Variants in TRPM7 observed in about 807,000 individuals in gnomAD.
TRPM7 encodes the protein transient receptor potential cation channel subfamily M member 7.
In TRPM7, 134 loss-of-function variants were observed where a neutral mutation model predicts 229.7. The observed-to-expected ratio is 0.58, with a 90% CI of 0.51 to 0.67. The LOEUF (loss-of-function observed/expected upper bound fraction) is 0.67. Among genes scored for constraint, TRPM7 ranks in the 30% least tolerant of loss-of-function variants. The probability of loss-of-function intolerance (pLI) is 0.00; values close to 1 mark genes in which losing one functional copy is unlikely to be tolerated. For missense variants in TRPM7, 1,901 were observed against 2,210.0 expected (o/e 0.86, Z 2.80); for synonymous variants, 699 against 715.2 (o/e 0.98, Z 0.36).
At position 50,592,370 on chromosome 15, in the gene TRPM7, A is replaced by C. The variant is rs745309948; in HGVS notation, c.3865T>G (p.Trp1289Gly). ...IDDGPVRPSV[W>G]KKHGVVNTLS... ...GTATTTACAACACCATGCTTTTTCCATACAGAAGGTCTTACAGGACCATCA... is the reference window on the plus strand; with the variant it reads ...GTATTTACAACACCATGCTTTTTCCCTACAGAAGGTCTTACAGGACCATCA... Residue 1289 changes from tryptophan (W) to glycine (G), a missense_variant, in exon 26 of 39, where the codon TGG becomes GGG. Physicochemically the swap from Trp to Gly is radical, Grantham distance 184. Transcript: ENST00000646667. 2.5e-6 allele frequency: 4 copies of C among 1,614,158 alleles called. No individual in the cohort carries two copies. The East Asian group carries it at 8.9e-5, about 36-fold the overall frequency.
chr15:50,663,543 T>C (rs2061790515), intron 1 of TRPM7, among the ~76,000 whole-genome samples: 1 of 152,180 alleles, frequency 6.6e-6, no homozygotes, highest in Non-Finnish European at 1.5e-5. Flanking sequence ...ACCTAGGTTA[T>C]TAAATCAACA....
intron 1 of TRPM7, among the ~76,000 whole-genome samples, chr15:50,678,506 T>TAA (rs10553093): frequency 4.9e-4 from 63 of 128,716 alleles, no homozygotes; most frequent in African/African-American, 1.9e-3. Flanking sequence ...TTCCATTCTT[T>TAA]AAAAAAAAAA....
At chr15:50,681,933 G>A (rs549519566) in intron 1 of TRPM7, among the ~76,000 whole-genome samples, 11 of 152,134 alleles carry the variant, frequency 7.2e-5, no homozygotes, top group Non-Finnish European at 1.5e-4. Flanking sequence ...TGTAATCCCA[G>A]CACTTTGGGA....
chr15:50,591,321 A>G (rs1295343078), intron 26 of TRPM7, among the ~76,000 whole-genome samples: 27 of 152,142 alleles, frequency 1.8e-4, no homozygotes, highest in Admixed American at 1.8e-3. Flanking sequence ...AACCTCCCCT[A>G]TGAGGTTCTC....
At chr15:50,629,691 T>A (rs2060669367) in intron 10 of TRPM7, among the ~76,000 whole-genome samples, 1 of 152,114 alleles carries the variant, frequency 6.6e-6, no homozygotes, top group African/African-American at 2.4e-5. Flanking sequence ...CCCTCTACTT[T>A]AACATTTCTA....
rs2053220425 is a variant in TRPM7, at chr15:50,559,174, C to T, written c.*2504G>A. The T allele has an allele frequency of 6.6e-6, 1 of 152,486 alleles. No individual in the cohort carries two copies. Among genetic ancestry groups the T allele is most frequent in the African/African-American group, 2.4e-5 (1 of 41,404 alleles). The allele number at this position is 152,486 out of a possible 1,614,324, so 9.4% of individuals were successfully genotyped here. A position where few individuals can be genotyped will look rare whatever the true frequency, so the allele number is the denominator to read the frequency against. On this transcript the variant is annotated 3_prime_UTR_variant, in exon 39 of 39. Transcript: ENST00000646667. Reference sequence around the variant, plus strand: ...TCAAGCAATTCTCCTGCCTCAGACTCCTGAGTAGCTGGGATTACAGGCACT... The same window carrying T: ...TCAAGCAATTCTCCTGCCTCAGACTTCTGAGTAGCTGGGATTACAGGCACT...
intron 3 of TRPM7, among the ~76,000 whole-genome samples, chr15:50,654,308 G>T (rs1251294309): frequency 6.6e-6 from 1 of 151,046 alleles, no homozygotes; most frequent in East Asian, 1.9e-4. Context: ...TTAGCTGGGC[G>T]TGGTGGTGTG....
At chr15:50,626,810 A>T (rs2060574020) in intron 11 of TRPM7, among the ~76,000 whole-genome samples, 1 of 147,256 alleles carries the variant, frequency 6.8e-6, no homozygotes, top group Non-Finnish European at 1.5e-5. Flanking sequence ...AAAAAAAAAA[A>T]ATCAAACACT....
At chr15:50,584,618 T>G (rs1250196931) in intron 28 of TRPM7, among the ~76,000 whole-genome samples, 1 of 146,848 alleles carries the variant, frequency 6.8e-6, no homozygotes, top group Non-Finnish European at 1.5e-5. Context: ...AGATTTCTGT[T>G]TTTTTTTTTT....
chr15:50,594,773 G>T (rs933637465), intron 23 of TRPM7, among the ~76,000 whole-genome samples, 160 bp from the exon 24 acceptor site: 1 of 151,920 alleles, frequency 6.6e-6, no homozygotes, highest in East Asian at 1.9e-4. Flanking sequence ...AAAGATACAG[G>T]CAGTAAGTAT....
chr15:50,649,291 T>C (rs1307033877), intron 3 of TRPM7, among the ~76,000 whole-genome samples: 1 of 151,930 alleles, frequency 6.6e-6, no homozygotes. Context: ...TTTAAAAAAT[T>C]AGGCAAGTGT....
At chr15:50,663,438 T>C (rs1567109463) in intron 1 of TRPM7, among the ~76,000 whole-genome samples, 1 of 152,210 alleles carries the variant, frequency 6.6e-6, no homozygotes, top group Non-Finnish European at 1.5e-5. Context: ...TAAACACTTC[T>C]ATACTACATA....
intron 3 of TRPM7, among the ~76,000 whole-genome samples, chr15:50,656,337 T>C (rs2061570403): frequency 6.6e-6 from 1 of 152,076 alleles, no homozygotes; most frequent in Non-Finnish European, 1.5e-5. Flanking sequence ...TCTTGCTCTG[T>C]TGCCCAGGCA....
chr15:50,686,615 T>A lies in TRPM7; in HGVS notation c.-82A>T. 6.4e-7 allele frequency: 1 copy of A among 1,567,332 alleles called. No homozygotes were observed. The highest frequency in any genetic ancestry group is 8.6e-7 in the Non-Finnish European group (1 of 1,157,184). On this transcript the variant is annotated 5_prime_UTR_variant, in exon 1 of 39. Coordinates refer to ENST00000646667, the MANE Select transcript of TRPM7 (RefSeq NM_017672.6). ...GCCTGTAGCCATCTATCGGGAAGCG[T>A]CTCCGGAGGCGGCAGCAGAGGCCGC...
intron 13 of TRPM7, among the ~76,000 whole-genome samples, chr15:50,616,110 G>A (rs866354886): frequency 1.3e-5 from 2 of 152,048 alleles, no homozygotes; most frequent in African/African-American, 2.4e-5. Context: ...AACCACAAAT[G>A]CCATTATATG....
chr15:50,637,098 C>T (rs996263322), intron 7 of TRPM7, among the ~76,000 whole-genome samples: 2 of 151,444 alleles, frequency 1.3e-5, no homozygotes, highest in Non-Finnish European at 2.9e-5. Flanking sequence ...TGCACTCCAG[C>T]CTGGGTGACA....
At chr15:50,624,981 A>C (rs1384711527) in intron 11 of TRPM7, among the ~76,000 whole-genome samples, 1 of 152,194 alleles carries the variant, frequency 6.6e-6, no homozygotes, top group Non-Finnish European at 1.5e-5. Flanking sequence ...AATACAACTT[A>C]TGTCCTTTGT....
At chr15:50,682,786 C>A (rs1567132821) in intron 1 of TRPM7, among the ~76,000 whole-genome samples, 1 of 152,104 alleles carries the variant, frequency 6.6e-6, no homozygotes, top group East Asian at 1.9e-4. Flanking sequence ...TGACACCCAT[C>A]TTAAGTTCTT....
intron 27 of TRPM7, among the ~76,000 whole-genome samples, chr15:50,589,012 GAGA>G (rs1364025326): frequency 6.6e-6 from 1 of 152,076 alleles, no homozygotes; most frequent in Admixed American, 6.6e-5. Flanking sequence ...AACATATGGG[GAGA>G]AGAAATTTTT....
Sources: allele counts gnomAD v4.1 joint callset (sites outside exome capture counted in the v4.1 genomes callset), GRCh38; gene constraint gnomAD v4.1.1; transcripts MANE v1.5; gene names NCBI Gene and HGNC (gene_info 2026-07-23, HGNC 2026-07-21).